The following RAB30 variants were observed in gnomAD, a reference collection of about 807,000 sequenced individuals.
The protein encoded by RAB30 is ras-related protein Rab-30.
In RAB30, 9 loss-of-function variants were observed where a neutral mutation model predicts 25.1. That is an observed-to-expected ratio of 0.36 (90% CI 0.22 to 0.63). The LOEUF (loss-of-function observed/expected upper bound fraction) is 0.63, where lower values mean the gene tolerates loss of function less well. Ranked by LOEUF, RAB30 falls within the 20% of genes least tolerant of loss-of-function variation. The probability of loss-of-function intolerance (pLI) is 0.69; values close to 1 mark genes in which losing one functional copy is unlikely to be tolerated. For synonymous variants in RAB30, 77 were observed against 86.4 expected, an observed-to-expected ratio of 0.89 and a Z score of 0.60; for missense variants, 140 against 243.5, an observed-to-expected ratio of 0.58 and a Z score of 2.83.
In RAB30 at chr11:82,975,411, C is replaced by A. The variant is rs1006658058; in HGVS notation, c.*6754G>T. The A allele has an allele frequency of 6.6e-6, 1 of 152,114 alleles. No homozygotes were observed. Among genetic ancestry groups the A allele is most frequent in the Non-Finnish European group, 1.5e-5 (1 of 67,980 alleles). The allele number at this position is 152,114 out of a possible 1,614,324, so 9.4% of individuals were successfully genotyped here. A position where few individuals can be genotyped will look rare whatever the true frequency, so the allele number is the denominator to read the frequency against. On this transcript the variant is annotated 3_prime_UTR_variant, in exon 5 of 5. Coordinates refer to ENST00000527633, the MANE Select transcript of RAB30 (RefSeq NM_001286060.2). ...ACCAGCTAGTGACAAATTATCTTAA[C>A]AAAGTAGATTATCTTTTGCTTTTCT...
At chr11:82,995,572 G>C (rs1321342856) in intron 2 of RAB30, among the ~76,000 whole-genome samples, 1 of 152,186 alleles carries the variant, frequency 6.6e-6, no homozygotes, top group Non-Finnish European at 1.5e-5. Context: ...TGACATATGA[G>C]TTTATGGTGG....
rs79104585 is a variant in RAB30 at position 83,019,246 on chromosome 11, G to A, written c.-8-21922C>T. On this transcript the variant is annotated intron_variant, in intron 1 of 4. Coordinates refer to ENST00000527633, the MANE Select transcript of RAB30 (RefSeq NM_001286060.2). ...TTTGCCCATTGGCCAGGCTGGTCTC[G>A]AACTCCTGACCTCAAGTGATCCGTC... Among the ~76,000 whole-genome samples the A allele has an allele frequency of 4.6e-3, 695 of 152,224 alleles. 29 individuals are homozygous for A. In the East Asian group the frequency reaches 0.11, roughly 24 times the overall value.
At chr11:83,060,291 G>A (rs1430731358) in intron 1 of RAB30, 3 of 151,980 alleles carry the variant, frequency 2.0e-5, no homozygotes, top group Non-Finnish European at 4.4e-5. Flanking sequence ...AAGAGAATTA[G>A]AAAATCATCC....
At chr11:83,009,074 A>AC (rs1857248674) in intron 1 of RAB30, among the ~76,000 whole-genome samples, 1 of 147,690 alleles carries the variant, frequency 6.8e-6, no homozygotes, top group Non-Finnish European at 1.5e-5. Flanking sequence ...AAAGCGGGAA[A>AC]CCTTTTTTTT....
chr11:83,054,596 C>A (rs1291196008), intron 1 of RAB30, among the ~76,000 whole-genome samples: 1 of 151,942 alleles, frequency 6.6e-6, no homozygotes, highest in Non-Finnish European at 1.5e-5. Flanking sequence ...CATGGTGGCA[C>A]ACCTCTGTAG....
At chr11:83,064,473 C>G (rs111287304) in intron 1 of RAB30, among the ~76,000 whole-genome samples, 2 of 152,160 alleles carry the variant, frequency 1.3e-5, no homozygotes, top group Non-Finnish European at 2.9e-5. Context: ...CTTTTCCCTT[C>G]GATTTGGGAA....
At chr11:83,005,622 T>A (rs1380393595) in intron 1 of RAB30, among the ~76,000 whole-genome samples, 2 of 152,066 alleles carry the variant, frequency 1.3e-5, no homozygotes, top group African/African-American at 4.8e-5. Context: ...TCTAAAAAAC[T>A]GAAGGCATAA....
chr11:83,003,055 G>T (rs1260740565), intron 1 of RAB30, among the ~76,000 whole-genome samples: 2 of 152,126 alleles, frequency 1.3e-5, no homozygotes, highest in African/African-American at 4.8e-5. Flanking sequence ...AGGCAACAAG[G>T]CCCCTTCCCA....
chr11:83,000,455 T>A (rs1425132147), intron 1 of RAB30, among the ~76,000 whole-genome samples: 1 of 152,120 alleles, frequency 6.6e-6, no homozygotes, highest in African/African-American at 2.4e-5. Flanking sequence ...TCAATAACGC[T>A]ATTAGAAAGA....
At chr11:83,050,255 T>TA (rs778777977) in intron 1 of RAB30, among the ~76,000 whole-genome samples, 2,795 of 143,780 alleles carry the variant, frequency 0.019, 69 homozygotes, top group East Asian at 0.1. Context: ...GACCATGTCT[T>TA]AAAAAAAAAA....
chr11:83,014,676 AAGAAAG>A (rs1226384597), intron 1 of RAB30, among the ~76,000 whole-genome samples: 2 of 145,746 alleles, frequency 1.4e-5, no homozygotes, highest in African/African-American at 5.2e-5. Flanking sequence ...GAAAGAAAGA[AAGAAAG>A]AAAGAAAGAA....
Position 83,061,405 on chromosome 11 carries a change from A to T in RAB30, c.-9+10286T>A, listed in dbSNP as rs115908470. Reference sequence around the variant, plus strand: ...AGATTCTGGATCAGAAAAATTTTTTAAAAGTTATAAAGGACATTGGAACGA... The same window carrying T: ...AGATTCTGGATCAGAAAAATTTTTTTAAAGTTATAAAGGACATTGGAACGA... On this transcript the variant is annotated intron_variant, in intron 1 of 4. Coordinates refer to ENST00000527633, the MANE Select transcript of RAB30 (RefSeq NM_001286060.2). 1.9e-3 allele frequency among the ~76,000 whole-genome samples: 297 copies of T among 152,348 alleles called. 2 individuals carry two copies. Among genetic ancestry groups the T allele is most frequent in the African/African-American group, 6.9e-3 (288 of 41,580 alleles).
chr11:83,069,458 C>T (rs1297406134), intron 1 of RAB30, among the ~76,000 whole-genome samples: 7 of 152,122 alleles, frequency 4.6e-5, no homozygotes, highest in Non-Finnish European at 1.0e-4. Flanking sequence ...TTCTTTCCTG[C>T]ACAGAGGAGA....
At chr11:83,031,875 C>T (rs536167774) in intron 1 of RAB30, among the ~76,000 whole-genome samples, 2 of 152,266 alleles carry the variant, frequency 1.3e-5, no homozygotes, top group South Asian at 4.1e-4. Flanking sequence ...TAAACTTAGT[C>T]GAGGTTCTTT....
chr11:83,059,827 G>GA (rs1180062503), intron 1 of RAB30, among the ~76,000 whole-genome samples: 4 of 151,924 alleles, frequency 2.6e-5, no homozygotes, highest in African/African-American at 7.3e-5. Flanking sequence ...GGTTGAGGGG[G>GA]AAAAAAGGCA....
At chr11:82,987,826 G>GA (rs529296633) in intron 3 of RAB30, 56 bp from the exon 4 acceptor site, 666 of 959,056 alleles carry the variant, frequency 6.9e-4, no homozygotes, top group Middle Eastern at 1.0e-3. Flanking sequence ...GAGAAAAAAA[G>GA]AAAAAAAAAG....
chr11:83,003,058 C>T (rs990580553), intron 1 of RAB30, among the ~76,000 whole-genome samples: 11 of 152,122 alleles, frequency 7.2e-5, no homozygotes, highest in African/African-American at 2.7e-4. Context: ...CAACAAGGCC[C>T]CTTCCCACAA....
At chr11:82,994,869 A>G (rs746622417) in intron 2 of RAB30, among the ~76,000 whole-genome samples, 8 of 152,188 alleles carry the variant, frequency 5.3e-5, no homozygotes, top group Admixed American at 2.6e-4. Context: ...CAGCCTTAGG[A>G]TCTCTGTGTA....
At chr11:82,987,375 T>C (rs1251156315) in intron 4 of RAB30, 3 of 403,756 alleles carry the variant, frequency 7.4e-6, no homozygotes, top group African/African-American at 4.1e-5. Context: ...CCTACATTGA[T>C]AGAAAATGTT....
Sources: allele counts gnomAD v4.1 joint callset (sites outside exome capture counted in the v4.1 genomes callset), GRCh38; gene constraint gnomAD v4.1.1; transcripts MANE v1.5; gene names NCBI Gene and HGNC (gene_info 2026-07-23, HGNC 2026-07-21).